DPP4: variants seen among roughly 807,000 people sequenced by gnomAD.
The protein encoded by DPP4 is dipeptidyl peptidase 4.
A neutral mutation model predicts 122.4 loss-of-function variants in DPP4; 93 were observed. The observed-to-expected ratio is 0.76, with a 90% CI of 0.64 to 0.90. DPP4 has a LOEUF of 0.90. Among genes scored for constraint, DPP4 ranks in the 40% least tolerant of loss-of-function variants. The pLI, the probability that DPP4 is intolerant of heterozygous loss-of-function variation, is 0.00. For synonymous variants in DPP4, 321 were observed against 302.9 expected (o/e 1.06, Z -0.62); for missense variants, 914 against 907.3 (o/e 1.01, Z -0.09).
At chr2:162,021,793 AT>A (rs1172922258) in intron 12 of DPP4, among the ~76,000 whole-genome samples, 2 of 152,064 alleles carry the variant, frequency 1.3e-5, no homozygotes, top group African/African-American at 4.8e-5. Flanking sequence ...GAAAAAACAT[AT>A]TTTTTTCAAA....
intron 25 of DPP4, among the ~76,000 whole-genome samples, 183 bp downstream of exon 25, chr2:161,994,778 A>G (rs1016637970): frequency 1.4e-4 from 22 of 152,144 alleles, no homozygotes; most frequent in Non-Finnish European, 2.6e-4. Flanking sequence ...AAACTCGCTA[A>G]TATTATTGAG....
chr2:161,999,252 C>T (rs1014738693), intron 23 of DPP4, among the ~76,000 whole-genome samples: 2 of 151,862 alleles, frequency 1.3e-5, no homozygotes, highest in African/African-American at 2.4e-5. Flanking sequence ...CATACAAAGC[C>T]AGAAAAAGAA....
chr2:162,071,078 T>C (rs1685098303), intron 2 of DPP4, among the ~76,000 whole-genome samples: 1 of 152,164 alleles, frequency 6.6e-6, no homozygotes, highest in Admixed American at 6.5e-5. Flanking sequence ...CCCTCCAGTG[T>C]TGCTCCATTG....
chr2:162,044,581 T>C (rs1241747416), intron 5 of DPP4, among the ~76,000 whole-genome samples: 1 of 152,176 alleles, frequency 6.6e-6, no homozygotes, highest in Non-Finnish European at 1.5e-5. Flanking sequence ...GTATTTTGCT[T>C]GCAATACAGG....
chr2:162,030,327 C>T lies in DPP4; in HGVS notation c.887+3214G>A, dbSNP rs561337238. ...AGTTGTTGGAAACGCAGCCTGGCTG[C>T]CCTTCTCACTTATCAGAGAAGCAGG... On this transcript the variant is annotated intron_variant, in intron 10 of 25. Coordinates refer to ENST00000360534, the MANE Select transcript of DPP4 (RefSeq NM_001935.4). 1.0e-3 allele frequency among the ~76,000 whole-genome samples: 152 copies of T among 152,374 alleles called. 2 individuals are homozygous for T. The highest frequency in any genetic ancestry group is 3.4e-3 in the African/African-American group (141 of 41,586).
intron 2 of DPP4, among the ~76,000 whole-genome samples, chr2:162,048,670 C>T (rs771206409): frequency 1.3e-5 from 2 of 152,162 alleles, no homozygotes; most frequent in Non-Finnish European, 2.9e-5. Context: ...TCCTGGTTGT[C>T]ATAATCACTA....
At chr2:162,040,468 A>T (rs1227974348) in intron 5 of DPP4, among the ~76,000 whole-genome samples, 2 of 152,138 alleles carry the variant, frequency 1.3e-5, no homozygotes, top group Non-Finnish European at 2.9e-5. Flanking sequence ...GTAAGGTTAC[A>T]TATTGTATGA....
chr2:162,011,816 A>AG lies in DPP4; in HGVS notation c.1808_1809insC (p.Glu604Ter), dbSNP rs2106089821. On this transcript the variant is annotated frameshift_variant, in exon 20 of 26. Transcript: ENST00000360534. LOFTEE classifies it high-confidence loss of function. Reference sequence around the variant, plus strand: ...ACCTGGCTGCTTCAATTTGATCTTCAACTTCAAATGTTCCCAGTCTTCTGT... The same window carrying AG: ...ACCTGGCTGCTTCAATTTGATCTTCAGACTTCAAATGTTCCCAGTCTTCTGT... The AG allele has an allele frequency of 6.2e-7, 1 of 1,613,480 alleles. No homozygotes were observed. The highest frequency in any genetic ancestry group is 2.2e-5 in the East Asian group (1 of 44,866).
intron 5 of DPP4, among the ~76,000 whole-genome samples, chr2:162,040,823 A>G (rs1212763634): frequency 2.0e-5 from 3 of 152,034 alleles, no homozygotes; most frequent in Non-Finnish European, 4.4e-5. Context: ...CAAGACATTA[A>G]TAATAGGGGA....
intron 20 of DPP4, among the ~76,000 whole-genome samples, chr2:162,011,247 G>A (rs972810499): frequency 1.6e-4 from 24 of 152,078 alleles, no homozygotes; most frequent in African/African-American, 5.6e-4. Context: ...ATGAGATGTG[G>A]TTCATACGTA....
At chr2:162,011,171 T>C (rs1035784947) in intron 20 of DPP4, among the ~76,000 whole-genome samples, 4 of 152,150 alleles carry the variant, frequency 2.6e-5, no homozygotes, top group Admixed American at 1.3e-4. Context: ...GTAACCATCA[T>C]TGATTGTTAA....
rs934495585 is a variant in DPP4, at chr2:162,009,404, G to A, written c.1833-109C>T. 9 of 961,486 alleles carry A rather than the reference G, an allele frequency of 9.4e-6. No homozygotes were observed. In the African/African-American group the frequency reaches 1.2e-4, roughly 12 times the overall value. The allele number at this position is 961,486 out of a possible 1,614,324, so 59.6% of individuals were successfully genotyped here. A position where few individuals can be genotyped will look rare whatever the true frequency, so the allele number is the denominator to read the frequency against. On this transcript the variant is annotated intron_variant, in intron 20 of 25. Coordinates refer to ENST00000360534, the MANE Select transcript of DPP4 (RefSeq NM_001935.4). Reference sequence around the variant, plus strand: ...ATTTGTTCTCTGCTTCATTCTATTAGAGACTAAAAATTGCTGCCAGTAATC... The same window carrying A: ...ATTTGTTCTCTGCTTCATTCTATTAAAGACTAAAAATTGCTGCCAGTAATC...
chr2:162,004,041 G>A (rs192750368), intron 23 of DPP4, among the ~76,000 whole-genome samples: 156 of 152,208 alleles, frequency 1.0e-3, no homozygotes, highest in Admixed American at 3.4e-3. Context: ...GACATTCCAC[G>A]TGGAAGGAGC....
At chr2:162,032,665 C>A (rs1278728730) in intron 10 of DPP4, among the ~76,000 whole-genome samples, 6 of 150,546 alleles carry the variant, frequency 4.0e-5, no homozygotes, top group Admixed American at 2.0e-4. Flanking sequence ...GGCGACAGAG[C>A]AAGACTCTGT....
chr2:162,073,714 T>C (rs1156806119), intron 1 of DPP4: 5 of 666,132 alleles, frequency 7.5e-6, no homozygotes, highest in Non-Finnish European at 1.3e-5. Context: ...TTGGTTTCTC[T>C]ACCCCTGCCC....
chr2:162,039,643 C>G (rs1304153093), intron 5 of DPP4, among the ~76,000 whole-genome samples: 1 of 151,962 alleles, frequency 6.6e-6, no homozygotes, highest in Admixed American at 6.6e-5. Context: ...TTGGAAGCCC[C>G]CTGGCAAGAT....
chr2:162,002,568 G>C (rs1362364811), intron 23 of DPP4, among the ~76,000 whole-genome samples: 1 of 152,030 alleles, frequency 6.6e-6, no homozygotes, highest in African/African-American at 2.4e-5. Flanking sequence ...ATTTCCTTCT[G>C]ATCCACTGAA....
chr2:162,035,279 C>T lies in DPP4; in HGVS notation c.659G>A (p.Gly220Asp), dbSNP rs752437358. ...AAATTGGGCATATGCTAAAAAAGTG[C>T]CGTTTGGAGACCACCACAGAGCAGA... ...AYSALWWSPN[G>D]TFLAYAQFND... The change falls in exon 9 of 26, where the codon GGC becomes GAC. Residue 220 changes from glycine (G) to aspartate (D), a missense_variant. Coordinates refer to ENST00000360534, the MANE Select transcript of DPP4 (RefSeq NM_001935.4). 12 of 1,613,798 alleles carry T rather than the reference C, an allele frequency of 7.4e-6. No individual in the cohort carries two copies. The highest frequency in any genetic ancestry group is 3.3e-5 in the Admixed American group (2 of 59,982).
chr2:162,054,215 A>C (rs569081023), intron 2 of DPP4, among the ~76,000 whole-genome samples: 12 of 152,342 alleles, frequency 7.9e-5, no homozygotes, highest in Admixed American at 7.8e-4. Context: ...TGGAATGGAA[A>C]TATCTATCCT....
Sources: allele counts gnomAD v4.1 joint callset (sites outside exome capture counted in the v4.1 genomes callset), GRCh38; gene constraint gnomAD v4.1.1; transcripts MANE v1.5; gene names NCBI Gene and HGNC (gene_info 2026-07-23, HGNC 2026-07-21).